Variants in CCDC33 observed in about 807,000 individuals in gnomAD.
CCDC33 encodes the protein coiled-coil domain-containing protein 33.
CCDC33 carries 94 observed loss-of-function variants against 91.9 expected under a neutral mutation model. That is an observed-to-expected ratio of 1.02 (90% CI 0.87 to 1.21). The LOEUF is 1.21. Among genes scored for constraint, CCDC33 ranks in the 50% most tolerant of loss-of-function variants. CCDC33 has a pLI of 0.00. For synonymous variants in CCDC33, 396 were observed against 374.5 expected (o/e 1.06, Z -0.66); for missense variants, 940 against 935.5 (o/e 1.00, Z -0.06).
upstream of CCDC33, among the ~76,000 whole-genome samples, chr15:74,216,154 G>C (rs2074442220): frequency 6.6e-6 from 1 of 152,096 alleles, no homozygotes; most frequent in Admixed American, 6.5e-5. Flanking sequence ...TAAGCTCCAA[G>C]ACCTCAGACC....
At chr15:74,228,257 G>A (rs2074862575) in intron 2 of CCDC33, among the ~76,000 whole-genome samples, 2 of 152,122 alleles carry the variant, frequency 1.3e-5, no homozygotes. Flanking sequence ...GAGTAGTGAT[G>A]GGCTCTGGTT....
chr15:74,304,344 C>T (rs2059851795), intron 11 of CCDC33: 1 of 152,160 alleles, frequency 6.6e-6, no homozygotes, highest in Admixed American at 6.5e-5. Flanking sequence ...AGCAAAAATC[C>T]CCCAGGCCTC....
intron 11 of CCDC33, among the ~76,000 whole-genome samples, chr15:74,306,000 G>C (rs964030560): frequency 1.3e-5 from 2 of 152,152 alleles, no homozygotes; most frequent in African/African-American, 4.8e-5. Context: ...AAACTGTAAA[G>C]GGCCGTCCAC....
At chr15:74,250,813 T>G (rs2075684974) in intron 2 of CCDC33, among the ~76,000 whole-genome samples, 1 of 152,228 alleles carries the variant, frequency 6.6e-6, no homozygotes, top group Non-Finnish European at 1.5e-5. Flanking sequence ...GTGGGAAAGT[T>G]ACTTTGTCTT....
intron 2 of CCDC33, among the ~76,000 whole-genome samples, chr15:74,224,819 T>G (rs2074735308): frequency 1.3e-5 from 2 of 152,176 alleles, no homozygotes; most frequent in African/African-American, 4.8e-5. Context: ...ATGTCTGTAT[T>G]GGGCAAAGAG....
intron 11 of CCDC33, among the ~76,000 whole-genome samples, chr15:74,320,175 T>C (rs1434775269): frequency 1.3e-5 from 2 of 152,182 alleles, no homozygotes; most frequent in African/African-American, 4.8e-5. Context: ...CACTGCGCTC[T>C]GTTCAGAAGC....
chr15:74,280,238 G>A (rs1014717398), intron 8 of CCDC33, 146 bp downstream of exon 8: 29 of 932,368 alleles, frequency 3.1e-5, no homozygotes, highest in Non-Finnish European at 4.3e-5. Context: ...AGGCAGAGGA[G>A]AGCTGGCTGC....
chr15:74,320,834 T>C (rs1269081595), intron 11 of CCDC33, among the ~76,000 whole-genome samples: 1 of 152,210 alleles, frequency 6.6e-6, no homozygotes, highest in African/African-American at 2.4e-5. Context: ...CTCCCTCGCC[T>C]GCCCTCTGGT....
At chr15:74,294,272 G>A (rs945239226) in intron 10 of CCDC33, among the ~76,000 whole-genome samples, 4 of 152,166 alleles carry the variant, frequency 2.6e-5, no homozygotes, top group Non-Finnish European at 4.4e-5. Context: ...CTGGTGCAGG[G>A]TGGAACTGGC....
chr15:74,255,729 C>T (rs1016772392), intron 2 of CCDC33, among the ~76,000 whole-genome samples: 3 of 152,256 alleles, frequency 2.0e-5, no homozygotes, highest in Middle Eastern at 6.3e-3. Context: ...GACCGAGGCG[C>T]TCAGTGCCCC....
chr15:74,212,981 G>A (rs936646874), upstream of CCDC33: 1 of 152,140 alleles, frequency 6.6e-6, no homozygotes, highest in Non-Finnish European at 1.5e-5. Context: ...TTGGGAGGCC[G>A]AGTCGGGTGT....
intron 6 of CCDC33, among the ~76,000 whole-genome samples, chr15:74,272,283 GC>G (rs2076339381): frequency 6.6e-6 from 1 of 152,184 alleles, no homozygotes; most frequent in Non-Finnish European, 1.5e-5. Context: ...GCCCTGCCGG[GC>G]GGAGTCTCCT....
intron 11 of CCDC33, among the ~76,000 whole-genome samples, chr15:74,328,823 C>T (rs1220299180): frequency 6.6e-6 from 1 of 152,190 alleles, no homozygotes; most frequent in African/African-American, 2.4e-5. Context: ...TGCTGGGGGC[C>T]GAGCTCTGCT....
intron 11 of CCDC33, among the ~76,000 whole-genome samples, chr15:74,305,402 A>G (rs1228586565): frequency 1.3e-5 from 2 of 152,138 alleles, no homozygotes; most frequent in Admixed American, 1.3e-4. Context: ...GGCACTACAG[A>G]TATTAGGGGT....
chr15:74,250,114 C>T (rs1191082764), intron 2 of CCDC33, among the ~76,000 whole-genome samples: 1 of 152,192 alleles, frequency 6.6e-6, no homozygotes, highest in Non-Finnish European at 1.5e-5. Context: ...CCATGTCTCC[C>T]GGTCTCTCGG....
At chr15:74,232,461 G>T (rs1009557042), upstream of CCDC33, among the ~76,000 whole-genome samples, 1 of 152,208 alleles carries the variant, frequency 6.6e-6, no homozygotes, top group Non-Finnish European at 1.5e-5. Flanking sequence ...CTTGTATGGA[G>T]AGAGTTGGCT....
exon 1 of CCDC33, chr15:74,217,225 G>T: frequency 8.3e-7 from 1 of 1,211,594 alleles, no homozygotes; most frequent in South Asian, 1.5e-5. Flanking sequence ...CTGGGCTGTG[G>T]GTGAGAGGGT....
At chr15:74,310,420 C>T (rs1206106519) in intron 11 of CCDC33, among the ~76,000 whole-genome samples, 1 of 152,084 alleles carries the variant, frequency 6.6e-6, no homozygotes, top group East Asian at 1.9e-4. Flanking sequence ...GCCTGTAATC[C>T]CAGCTACTTG....
upstream of CCDC33, chr15:74,217,198 T>C: frequency 8.9e-7 from 1 of 1,128,476 alleles, no homozygotes; most frequent in Non-Finnish European, 1.1e-6. Context: ...CCTGCAGGCT[T>C]TCAGACTGGG....
Sources: allele counts gnomAD v4.1 joint callset (sites outside exome capture counted in the v4.1 genomes callset), GRCh38; gene constraint gnomAD v4.1.1; transcripts MANE v1.5; gene names NCBI Gene and HGNC (gene_info 2026-07-23, HGNC 2026-07-21).